PTPRT: variants seen among roughly 807,000 people sequenced by gnomAD.
The protein encoded by PTPRT is protein tyrosine phosphatase receptor type T, also known as receptor-type tyrosine-protein phosphatase T.
Under a neutral mutation model 176.8 loss-of-function variants are expected in PTPRT, and 56 were observed. That is an observed-to-expected ratio of 0.32 (90% CI 0.26 to 0.40). The LOEUF (loss-of-function observed/expected upper bound fraction) is 0.40. PTPRT is among the 10% of genes least tolerant of loss of function. PTPRT has a pLI of 1.00. For synonymous variants in PTPRT, 783 were observed against 739.0 expected (o/e 1.06, Z -0.96); for missense variants, 1,540 against 1,908.2 (o/e 0.81, Z 3.60).
At chr20:42,095,003 A>T (rs1195049063) in intron 27 of PTPRT, among the ~76,000 whole-genome samples, 2 of 152,160 alleles carry the variant, frequency 1.3e-5, no homozygotes, top group African/African-American at 4.8e-5. Context: ...AGTGCTAGGT[A>T]AGATTACAGG....
intron 6 of PTPRT, among the ~76,000 whole-genome samples, chr20:42,749,910 C>T (rs1386639707): frequency 6.6e-6 from 1 of 152,162 alleles, no homozygotes; most frequent in Non-Finnish European, 1.5e-5. Flanking sequence ...AACGGTGGAA[C>T]GTGTGCTTCC....
chr20:42,201,547 A>G (rs1479123059), intron 15 of PTPRT, among the ~76,000 whole-genome samples: 3 of 152,004 alleles, frequency 2.0e-5, no homozygotes, highest in African/African-American at 2.4e-5. Context: ...GACCCATAAT[A>G]TACTAGTGCC....
chr20:42,689,621 TAC>T (rs2075759717), intron 6 of PTPRT, among the ~76,000 whole-genome samples: 1 of 152,166 alleles, frequency 6.6e-6, no homozygotes, highest in African/African-American at 2.4e-5. Flanking sequence ...CCCCAAAACT[TAC>T]ATAGACTCCA....
At chr20:42,408,100 C>G (rs1050035256) in intron 9 of PTPRT, among the ~76,000 whole-genome samples, 2 of 152,052 alleles carry the variant, frequency 1.3e-5, no homozygotes, top group Non-Finnish European at 2.9e-5. Context: ...TGATGAAATA[C>G]AATTTCACTC....
At chr20:42,534,227 A>C (rs2072435365) in intron 7 of PTPRT, among the ~76,000 whole-genome samples, 2 of 152,208 alleles carry the variant, frequency 1.3e-5, no homozygotes, top group South Asian at 4.1e-4. Flanking sequence ...GGGAGCTTTC[A>C]CCAAACCAGT....
intron 1 of PTPRT, among the ~76,000 whole-genome samples, chr20:43,002,736 A>G (rs77251023): frequency 0.016 from 2,427 of 152,246 alleles, 39 homozygotes; most frequent in Non-Finnish European, 0.025. Context: ...ACCAAATGTA[A>G]CTTTCATAGA....
intron 1 of PTPRT, among the ~76,000 whole-genome samples, chr20:42,890,988 A>G (rs890223923): frequency 2.0e-5 from 3 of 152,170 alleles, no homozygotes; most frequent in Non-Finnish European, 4.4e-5. Flanking sequence ...CTTGTCTGCC[A>G]CCATGTAAGA....
chr20:42,570,018 G>T (rs1195124781), intron 7 of PTPRT, among the ~76,000 whole-genome samples: 1 of 152,178 alleles, frequency 6.6e-6, no homozygotes, highest in African/African-American at 2.4e-5. Flanking sequence ...TAGAAAGAAT[G>T]AAGCTAGTAT....
rs993547835 is a variant in PTPRT at position 42,652,892 on chromosome 20, C to T, written c.1153+24974G>A. ...CATAAAAGGCAAATTTCCCAGCATT[C>T]TCTTTCTCCATCATAACTTTCCAGG... On this transcript the variant is annotated intron_variant, in intron 7 of 30. Coordinates refer to ENST00000373187, the MANE Select transcript of PTPRT (RefSeq NM_007050.6). 2.0e-5 allele frequency among the ~76,000 whole-genome samples: 3 copies of T among 152,174 alleles called. No individual in the cohort carries two copies. The East Asian group carries it at 5.8e-4, about 29-fold the overall frequency.
intron 1 of PTPRT, among the ~76,000 whole-genome samples, chr20:43,007,426 G>C (rs189721238): frequency 6.6e-6 from 1 of 152,122 alleles, no homozygotes; most frequent in Non-Finnish European, 1.5e-5. Context: ...GCCTTCATGC[G>C]TTATTTATCA....
intron 1 of PTPRT, among the ~76,000 whole-genome samples, chr20:43,128,746 A>C (rs1477727851): frequency 6.6e-6 from 1 of 152,154 alleles, no homozygotes; most frequent in East Asian, 1.9e-4. Context: ...CATTTGAAAG[A>C]CAACAAAAAA....
At chr20:42,946,581 G>A (rs1014157202) in intron 1 of PTPRT, among the ~76,000 whole-genome samples, 2 of 152,140 alleles carry the variant, frequency 1.3e-5, no homozygotes, top group Non-Finnish European at 2.9e-5. Flanking sequence ...TTAGACAGGG[G>A]CCCTGAGTTG....
At chr20:42,065,376 C>G in the PTPRT span, among the ~76,000 whole-genome samples, 2 of 152,240 alleles carry the variant, frequency 1.3e-5, no homozygotes, top group Non-Finnish European at 2.9e-5. Context: ...TAGAAATACA[C>G]TTAGATTTTC....
chr20:42,617,296 A>G lies in PTPRT; in HGVS notation c.1153+60570T>C, dbSNP rs535646491. 5.1e-5 allele frequency among the ~76,000 whole-genome samples: 7 copies of G among 136,724 alleles called. 2 individuals carry two copies. In the East Asian group the frequency reaches 9.8e-4, roughly 19 times the overall value. 89.7% of individuals were successfully genotyped at this position (136,724 alleles called of 152,430 possible). A position where few individuals can be genotyped will look rare whatever the true frequency, so the allele number is the denominator to read the frequency against. Reference sequence around the variant, plus strand: ...GCATCCCAGGGATGAAGCCTACTTGATCATGGTGGATAAGCTTTTTGATGT... The same window carrying G: ...GCATCCCAGGGATGAAGCCTACTTGGTCATGGTGGATAAGCTTTTTGATGT... On this transcript the variant is annotated intron_variant, in intron 7 of 30. Transcript: ENST00000373187.
chr20:42,521,778 T>A (rs1485993053), intron 7 of PTPRT, among the ~76,000 whole-genome samples: 1 of 152,198 alleles, frequency 6.6e-6, no homozygotes, highest in Non-Finnish European at 1.5e-5. Flanking sequence ...TTTACTTGAG[T>A]ATAATAAATA....
intron 15 of PTPRT, among the ~76,000 whole-genome samples, chr20:42,222,241 C>T (rs774564760): frequency 3.3e-5 from 5 of 152,190 alleles, no homozygotes; most frequent in Non-Finnish European, 7.4e-5. Context: ...ACCTGTGCCC[C>T]TGCTCAGTGT....
At chr20:42,752,303 C>T (rs1286308774) in intron 6 of PTPRT, among the ~76,000 whole-genome samples, 1 of 152,238 alleles carries the variant, frequency 6.6e-6, no homozygotes, top group Admixed American at 6.5e-5. Flanking sequence ...TCTAAGAACT[C>T]CTACATCCAT....
intron 13 of PTPRT, among the ~76,000 whole-genome samples, chr20:42,251,206 A>G (rs1218879715): frequency 6.6e-6 from 1 of 152,160 alleles, no homozygotes; most frequent in Non-Finnish European, 1.5e-5. Flanking sequence ...GCACAGCCCA[A>G]TTTTACTTAG....
rs114628872 is a variant in PTPRT at position 42,466,671 on chromosome 20, T to C, written c.1450+5595A>G. 1.9e-3 allele frequency among the ~76,000 whole-genome samples: 293 copies of C among 151,798 alleles called. 2 individuals carry two copies. Among genetic ancestry groups the C allele is most frequent in the African/African-American group, 6.9e-3 (284 of 41,124 alleles). ...AGATATATGTATAAAATGTGTTGAA[T>C]TTGAATCAGTATGAGCTCATGACTT... On this transcript the variant is annotated intron_variant, in intron 8 of 30. Coordinates refer to ENST00000373187, the MANE Select transcript of PTPRT (RefSeq NM_007050.6).
Sources: gnomAD v4.1 joint callset for allele counts (sites outside exome capture counted in the v4.1 genomes callset) on GRCh38, gnomAD v4.1.1 for gene constraint, MANE v1.5 for transcripts, NCBI Gene and HGNC (gene_info 2026-07-23, HGNC 2026-07-21) for gene names.